Variants in NRXN1 observed in about 807,000 individuals in gnomAD.
The protein encoded by NRXN1 is neurexin 1.
A neutral mutation model predicts 150.9 loss-of-function variants in NRXN1; 39 were observed. That is an observed-to-expected ratio of 0.26 (90% CI 0.20 to 0.34). The LOEUF is 0.34. Ranked by LOEUF, NRXN1 falls within the 10% of genes least tolerant of loss-of-function variation. The pLI is 1.00. For synonymous variants in NRXN1, 924 were observed against 757.0 expected (o/e 1.22, Z -3.62); for missense variants, 1,815 against 1,949.9 (o/e 0.93, Z 1.30).
intron 13 of NRXN1, among the ~76,000 whole-genome samples, chr2:50,499,482 T>A (rs1294978113): frequency 6.6e-6 from 1 of 152,182 alleles, no homozygotes; most frequent in African/African-American, 2.4e-5. Flanking sequence ...TCCTGTGACA[T>A]CATTTCTATC....
At chr2:50,834,327 C>T (rs930661961) in intron 5 of NRXN1, among the ~76,000 whole-genome samples, 3 of 152,056 alleles carry the variant, frequency 2.0e-5, no homozygotes, top group Non-Finnish European at 4.4e-5. Context: ...CAATTTTGCT[C>T]AAAATATGGT....
At chr2:49,947,514 CTTTTTTT>C (rs199991365) in intron 21 of NRXN1, among the ~76,000 whole-genome samples, 30 of 109,000 alleles carry the variant, frequency 2.8e-4, no homozygotes, top group African/African-American at 8.0e-4. Context: ...TTTTTTTTTT[CTTTTTTT>C]TTTTTTTTTT....
chr2:50,805,337 T>C (rs1667372429), intron 5 of NRXN1, among the ~76,000 whole-genome samples: 1 of 152,136 alleles, frequency 6.6e-6, no homozygotes, highest in South Asian at 2.1e-4. Context: ...TGTCAAGTCA[T>C]TTAAGATGCT....
intron 2 of NRXN1, among the ~76,000 whole-genome samples, chr2:51,025,933 C>A (rs372068773): frequency 1.3e-5 from 2 of 152,114 alleles, no homozygotes; most frequent in Non-Finnish European, 2.9e-5. Context: ...GAAGACAGAG[C>A]GCAACAAAAT....
At chr2:50,116,604 C>G (rs1168726484) in intron 18 of NRXN1, among the ~76,000 whole-genome samples, 1 of 152,024 alleles carries the variant, frequency 6.6e-6, no homozygotes, top group Non-Finnish European at 1.5e-5. Flanking sequence ...ACAGGAAGAT[C>G]TGAACATATA....
intron 5 of NRXN1, among the ~76,000 whole-genome samples, chr2:50,828,947 C>A (rs1463389966): frequency 1.3e-5 from 2 of 152,218 alleles, no homozygotes; most frequent in Non-Finnish European, 2.9e-5. Context: ...CCATTGAGCA[C>A]TGAGTGAACC....
chr2:50,084,641 A>G (rs1291295693), intron 19 of NRXN1, among the ~76,000 whole-genome samples: 2 of 152,264 alleles, frequency 1.3e-5, no homozygotes, highest in East Asian at 3.9e-4. Flanking sequence ...TGGCCATCCC[A>G]GGAAGGGGCT....
chr2:50,758,733 T>C (rs2105369098), intron 5 of NRXN1, among the ~76,000 whole-genome samples: 1 of 152,024 alleles, frequency 6.6e-6, no homozygotes, highest in African/African-American at 2.4e-5. Flanking sequence ...TCCACACAGA[T>C]CCTGTGGATC....
At chr2:50,637,455 C>T (rs1004262432) in intron 5 of NRXN1, 1 of 152,118 alleles carries the variant, frequency 6.6e-6, no homozygotes, top group Non-Finnish European at 1.5e-5. Context: ...ATTCCCGTCC[C>T]AAGTTCAACA....
intron 17 of NRXN1, among the ~76,000 whole-genome samples, chr2:50,452,660 C>T (rs1237728138): frequency 1.3e-5 from 2 of 152,018 alleles, no homozygotes; most frequent in Non-Finnish European, 2.9e-5. Context: ...AATATACAAA[C>T]ATGGGGAATG....
chr2:50,718,599 T>C (rs1048641444), intron 5 of NRXN1, among the ~76,000 whole-genome samples: 1 of 152,180 alleles, frequency 6.6e-6, no homozygotes, highest in African/African-American at 2.4e-5. Flanking sequence ...AGTACAAAGC[T>C]AGATGGCCAA....
chr2:50,421,832 TTCCTATTTTTTTC>T (rs2084023141), intron 17 of NRXN1, among the ~76,000 whole-genome samples: 5 of 152,274 alleles, frequency 3.3e-5, no homozygotes, highest in African/African-American at 9.6e-5. Flanking sequence ...TTATCCTGTT[TTCCTATTTTTTTC>T]TCCTAAAGAA....
At chr2:50,148,466 CAA>C (rs1402863553) in intron 18 of NRXN1, among the ~76,000 whole-genome samples, 1 of 151,204 alleles carries the variant, frequency 6.6e-6, no homozygotes, top group Non-Finnish European at 1.5e-5. Context: ...CAAAAAAAAA[CAA>C]AGTCTAATTT....
intron 8 of NRXN1, among the ~76,000 whole-genome samples, chr2:50,563,741 A>C (rs1435742161): frequency 1.3e-5 from 2 of 152,162 alleles, no homozygotes; most frequent in African/African-American, 2.4e-5. Context: ...AGTTTTTATG[A>C]TGGTTAATTT....
At chr2:50,799,115 T>G (rs1013070531) in intron 5 of NRXN1, among the ~76,000 whole-genome samples, 1 of 152,194 alleles carries the variant, frequency 6.6e-6, no homozygotes, top group Non-Finnish European at 1.5e-5. Flanking sequence ...TCTTTCTTGT[T>G]GGACATGAAA....
At chr2:50,378,595 A>G (rs1031162639) in intron 17 of NRXN1, among the ~76,000 whole-genome samples, 1 of 152,128 alleles carries the variant, frequency 6.6e-6, no homozygotes, top group Non-Finnish European at 1.5e-5. Context: ...ACCACCGTAA[A>G]GTTGAAAAAT....
Position 50,346,588 on chromosome 2 carries a change from T to A in NRXN1, c.3365-109618A>T. ...CACACCCAAATGCACCTCCCTTTTGTCGAGCTCCCATTTCTCTGAGCCTTA... is the reference window on the plus strand; with the variant it reads ...CACACCCAAATGCACCTCCCTTTTGACGAGCTCCCATTTCTCTGAGCCTTA... On this transcript the variant is annotated intron_variant, in intron 17 of 22. Coordinates refer to ENST00000401669, the MANE Select transcript of NRXN1 (RefSeq NM_001330078.2). This position sits in a 1 kb window ranked among gnomAD's most constrained non-coding sequence, Gnocchi z 5.0. 7.9e-7 allele frequency: 1 copy of A among 1,260,710 alleles called. No homozygotes were observed. Among genetic ancestry groups the A allele is most frequent in the Non-Finnish European group, 1.1e-6 (1 of 874,618 alleles). The allele number at this position is 1,260,710 out of a possible 1,614,324, so 78.1% of individuals were successfully genotyped here.
chr2:50,188,266 A>G (rs984429288), intron 18 of NRXN1, among the ~76,000 whole-genome samples: 1 of 152,182 alleles, frequency 6.6e-6, no homozygotes, highest in Non-Finnish European at 1.5e-5. Context: ...AAAACAAGCA[A>G]CGGGGAAAGG....
chr2:50,044,713 C>A (rs1691537330), intron 21 of NRXN1, among the ~76,000 whole-genome samples: 1 of 152,058 alleles, frequency 6.6e-6, no homozygotes, highest in African/African-American at 2.4e-5. Context: ...CACTAGTAAT[C>A]TAAGGTGTGA....
Sources: gnomAD v4.1 joint callset for allele counts (sites outside exome capture counted in the v4.1 genomes callset) on GRCh38, gnomAD v4.1.1 for gene constraint, Gnocchi (gnomAD v3.1) non-coding constraint, MANE v1.5 for transcripts, NCBI Gene and HGNC (gene_info 2026-07-23, HGNC 2026-07-21) for gene names.